The following ARL15 variants were observed in gnomAD, a reference collection of about 807,000 sequenced individuals.
ARL15 encodes ADP-ribosylation factor-like protein 15.
In ARL15, 19 loss-of-function variants were observed where a neutral mutation model predicts 25.2. The ratio of observed to expected loss-of-function variants is 0.75; its 90% CI spans 0.53 to 1.10. The LOEUF is 1.10. ARL15 is among the 50% of genes least tolerant of loss of function. ARL15 has a pLI of 0.00. For missense variants in ARL15, 220 were observed against 246.0 expected, an observed-to-expected ratio of 0.89 and a Z score of 0.71; for synonymous variants, 94 against 86.8, an observed-to-expected ratio of 1.08 and a Z score of -0.46.
intron 1 of ARL15, among the ~76,000 whole-genome samples, chr5:54,305,709 TAAC>T (rs940061169): frequency 5.3e-5 from 8 of 152,188 alleles, no homozygotes; most frequent in African/African-American, 1.9e-4. Context: ...TGAACAATGA[TAAC>T]AATATACAGT....
At chr5:54,113,113 T>C in intron 4 of ARL15, 89 bp downstream of exon 4, 1 of 1,286,422 alleles carries the variant, frequency 7.8e-7, no homozygotes, top group Non-Finnish European at 1.1e-6. Flanking sequence ...ACCAGCACAT[T>C]CCTAATTACA....
intron 1 of ARL15, 86 bp downstream of exon 1, chr5:54,310,346 A>G (rs1410878695): frequency 2.1e-6 from 3 of 1,458,148 alleles, no homozygotes; most frequent in Non-Finnish European, 2.8e-6. Flanking sequence ...CAAAGAAAGA[A>G]AGCAAAAAGG....
rs543780351 is a variant in ARL15, at chr5:54,174,903, T to G, written c.49-2975A>C. ...AGACAACAAAACTAGTCACACAGTT[T>G]CTTTTACTGGGCTGCGTTGGTCTTG... On this transcript the variant is annotated intron_variant, in intron 1 of 4. Transcript: ENST00000504924. 1.2e-3 allele frequency among the ~76,000 whole-genome samples: 176 copies of G among 152,318 alleles called. 1 individual carries two copies. Among genetic ancestry groups the G allele is most frequent in the African/African-American group, 4.1e-3 (171 of 41,572 alleles).
intron 4 of ARL15, among the ~76,000 whole-genome samples, chr5:53,945,086 G>A (rs1337825861): frequency 6.6e-6 from 1 of 152,220 alleles, no homozygotes; most frequent in East Asian, 1.9e-4. Context: ...TAAGCTTGGA[G>A]TGGCTGAGAG....
intron 1 of ARL15, among the ~76,000 whole-genome samples, chr5:54,295,973 GT>G (rs1293317895): frequency 6.6e-6 from 1 of 152,226 alleles, no homozygotes; most frequent in African/African-American, 2.4e-5. Flanking sequence ...GAATTCCAGA[GT>G]AGCACCTCAG....
chr5:54,039,046 G>A (rs1307882793), intron 4 of ARL15, among the ~76,000 whole-genome samples: 1 of 152,164 alleles, frequency 6.6e-6, no homozygotes, highest in Admixed American at 6.5e-5. Flanking sequence ...GATTACAGGA[G>A]ACCAACCACT....
intron 4 of ARL15, among the ~76,000 whole-genome samples, chr5:54,018,568 G>C (rs1008036390): frequency 6.6e-6 from 1 of 152,318 alleles, no homozygotes; most frequent in East Asian, 1.9e-4. Context: ...AATGCACCGT[G>C]ATCTGGGAAA....
At chr5:53,910,636 TATATATATA>T (rs1561145457) in intron 4 of ARL15, among the ~76,000 whole-genome samples, 3,593 of 109,242 alleles carry the variant, frequency 0.033, 187 homozygotes, top group Non-Finnish European at 0.046. Context: ...AAAAAAATTA[TATATATATA>T]TATATATATA....
intron 1 of ARL15, among the ~76,000 whole-genome samples, chr5:54,183,560 T>C (rs1372016906): frequency 6.7e-6 from 1 of 150,286 alleles, no homozygotes; most frequent in Non-Finnish European, 1.5e-5. Flanking sequence ...GCCAGTATTT[T>C]ATTGAGGATT....
intron 1 of ARL15, among the ~76,000 whole-genome samples, chr5:54,257,855 GT>G (rs1464079049): frequency 6.6e-6 from 1 of 151,984 alleles, no homozygotes; most frequent in African/African-American, 2.4e-5. Flanking sequence ...TTTCCTGTTG[GT>G]TTTTTTCAGA....
intron 2 of ARL15, among the ~76,000 whole-genome samples, chr5:54,159,858 T>C (rs1754352208): frequency 6.6e-6 from 1 of 152,244 alleles, no homozygotes; most frequent in Non-Finnish European, 1.5e-5. Flanking sequence ...AAAGATGAAT[T>C]TGAAGTTTTT....
At chr5:54,237,504 T>C (rs1182678572) in intron 1 of ARL15, among the ~76,000 whole-genome samples, 1 of 152,138 alleles carries the variant, frequency 6.6e-6, no homozygotes, top group Non-Finnish European at 1.5e-5. Context: ...TAGATCAATA[T>C]AGACACCAAA....
intron 1 of ARL15, among the ~76,000 whole-genome samples, chr5:54,181,151 T>A (rs182584304): frequency 2.6e-5 from 4 of 152,148 alleles, no homozygotes; most frequent in African/African-American, 9.7e-5. Context: ...TCTTCTCACA[T>A]TGGAAATAGA....
At chr5:53,929,372 T>C (rs1746129986) in intron 4 of ARL15, among the ~76,000 whole-genome samples, 1 of 152,156 alleles carries the variant, frequency 6.6e-6, no homozygotes, top group Non-Finnish European at 1.5e-5. Context: ...GAATATGCAT[T>C]TCTCTTATGG....
At chr5:53,927,626 A>G (rs1411174950) in intron 4 of ARL15, among the ~76,000 whole-genome samples, 1 of 152,192 alleles carries the variant, frequency 6.6e-6, no homozygotes, top group African/African-American at 2.4e-5. Flanking sequence ...CGTACTATGT[A>G]TGTGTCTAGG....
chr5:54,065,373 T>C (rs945591225), intron 4 of ARL15, among the ~76,000 whole-genome samples: 1 of 152,170 alleles, frequency 6.6e-6, no homozygotes, highest in Non-Finnish European at 1.5e-5. Context: ...TGGTCCAAAC[T>C]GAGATGTCCT....
At chr5:54,077,398 T>G (rs1319844023) in intron 4 of ARL15, among the ~76,000 whole-genome samples, 1 of 152,184 alleles carries the variant, frequency 6.6e-6, no homozygotes, top group East Asian at 1.9e-4. Flanking sequence ...CTAGAGAGAT[T>G]ATAGCAGTGG....
intron 4 of ARL15, among the ~76,000 whole-genome samples, chr5:53,925,688 G>A (rs1177944546): frequency 6.6e-6 from 1 of 152,094 alleles, no homozygotes; most frequent in Non-Finnish European, 1.5e-5. Context: ...TGTGCCTGTA[G>A]TTCTAGCTAC....
chr5:54,060,157 G>T (rs369871366), intron 4 of ARL15, among the ~76,000 whole-genome samples: 3 of 137,218 alleles, frequency 2.2e-5, no homozygotes. Context: ...AAAAAACCCC[G>T]GGTGCGGTGT....
Sources: allele counts gnomAD v4.1 joint callset (sites outside exome capture counted in the v4.1 genomes callset), GRCh38; gene constraint gnomAD v4.1.1; transcripts MANE v1.5; gene names NCBI Gene and HGNC (gene_info 2026-07-23, HGNC 2026-07-21).